The following ABCD3 variants were observed in gnomAD, a reference collection of about 807,000 sequenced individuals.
ABCD3 encodes ATP binding cassette subfamily D member 3, also known as ATP-binding cassette sub-family D member 3.
ABCD3 carries 41 observed loss-of-function variants against 105.5 expected under a neutral mutation model. The ratio of observed to expected loss-of-function variants is 0.39; its 90% CI spans 0.30 to 0.50. The LOEUF (loss-of-function observed/expected upper bound fraction) is 0.50, where lower values mean the gene tolerates loss of function less well. ABCD3 is among the 20% of genes least tolerant of loss of function. The pLI is 0.84. For missense variants in ABCD3, 622 were observed against 806.3 expected (o/e 0.77, Z 2.77); for synonymous variants, 258 against 269.0 (o/e 0.96, Z 0.40).
intron 1 of ABCD3, among the ~76,000 whole-genome samples, chr1:94,422,190 A>AC (rs567526273): frequency 1.4e-4 from 21 of 151,988 alleles, no homozygotes; most frequent in Non-Finnish European, 2.6e-4. Flanking sequence ...GGGGTCCCCA[A>AC]CCCCCGGGCT....
chr1:94,506,734 C>T, intron 21 of ABCD3, 92 bp downstream of exon 21: 1 of 870,128 alleles, frequency 1.1e-6, no homozygotes, highest in Non-Finnish European at 1.9e-6. Flanking sequence ...TTCCAGGTCA[C>T]TAAGTAACAA....
intron 1 of ABCD3, among the ~76,000 whole-genome samples, chr1:94,451,398 T>C (rs1304573307): frequency 6.6e-6 from 1 of 152,242 alleles, no homozygotes; most frequent in Non-Finnish European, 1.5e-5. Flanking sequence ...ACTTTACTTT[T>C]AAGAGCAAAG....
rs4148066 is a variant in ABCD3, at chr1:94,498,583, A to ATT, written c.1387-5_1387-4dup. On this transcript the variant is annotated intron_variant, in intron 16 of 22. Coordinates refer to ENST00000370214, the MANE Select transcript of ABCD3 (RefSeq NM_002858.4). ...TTTGATTTAATTACTTCACAGACTG[A>ATT]TTTTTTTTTTTTTTTCAGGTTCGAT... is the stretch of plus-strand genomic sequence containing the variant. 2.5e-4 allele frequency: 362 copies of ATT among 1,443,380 alleles called. No homozygotes were observed. The highest frequency in any genetic ancestry group is 3.8e-4 in the Middle Eastern group (2 of 5,252). 89.4% of individuals were successfully genotyped at this position (1,443,380 alleles called of 1,614,324 possible). A position where few individuals can be genotyped will look rare whatever the true frequency, so the allele number is the denominator to read the frequency against.
intron 2 of ABCD3, among the ~76,000 whole-genome samples, chr1:94,461,238 G>A (rs904742071): frequency 2.0e-5 from 3 of 151,926 alleles, no homozygotes; most frequent in African/African-American, 4.8e-5. Flanking sequence ...TTACTTTTGA[G>A]GAAAGCAACT....
At chr1:94,398,758 A>G in the ABCD3 span, among the ~76,000 whole-genome samples, 1 of 152,114 alleles carries the variant, frequency 6.6e-6, no homozygotes. Flanking sequence ...CTAAAAATGC[A>G]AAAAAATTAG....
At chr1:94,496,171 C>G (rs770364517) in intron 16 of ABCD3, among the ~76,000 whole-genome samples, 7 of 152,094 alleles carry the variant, frequency 4.6e-5, no homozygotes, top group Non-Finnish European at 1.0e-4. Context: ...GTTATGCAGC[C>G]ACCACCACTA....
At chr1:94,458,081 T>C (rs1288997491) in intron 1 of ABCD3, among the ~76,000 whole-genome samples, 4 of 152,192 alleles carry the variant, frequency 2.6e-5, no homozygotes, top group Non-Finnish European at 5.9e-5. Flanking sequence ...AATATGAACC[T>C]TGGGCATACT....
chr1:94,499,354 G>A (rs1570824040), intron 19 of ABCD3, 141 bp from the exon 20 acceptor site: 2 of 994,932 alleles, frequency 2.0e-6, no homozygotes, highest in South Asian at 1.4e-5. Flanking sequence ...GGGCTACCTT[G>A]TGCCACATTC....
At chr1:94,483,090 A>C in intron 9 of ABCD3, 80 bp from the exon 10 acceptor site, 1 of 910,634 alleles carries the variant, frequency 1.1e-6, no homozygotes, top group Non-Finnish European at 1.8e-6. Flanking sequence ...ACAAACATTC[A>C]GCCATCATAT....
chr1:94,472,243 G>A, intron 4 of ABCD3: 9 of 979,678 alleles, frequency 9.2e-6, no homozygotes, highest in Non-Finnish European at 1.1e-5. Context: ...TACTCCAATG[G>A]TAAACCATTG....
At chr1:94,464,531 A>G (rs959184540) in intron 2 of ABCD3, among the ~76,000 whole-genome samples, 1 of 151,866 alleles carries the variant, frequency 6.6e-6, no homozygotes, top group Non-Finnish European at 1.5e-5. Context: ...TTCTGCTTGC[A>G]GTTTTCTTCA....
chr1:94,491,687 C>G lies in ABCD3; in HGVS notation c.1386+440C>G, dbSNP rs141200083. Among the ~76,000 whole-genome samples, 20 of 152,132 alleles carry G rather than the reference C, an allele frequency of 1.3e-4. 1 individual carries two copies. In the East Asian group the frequency reaches 3.7e-3, roughly 28 times the overall value. On this transcript the variant is annotated intron_variant, in intron 16 of 22. Coordinates refer to ENST00000370214, the MANE Select transcript of ABCD3 (RefSeq NM_002858.4). ...AAACGGGAAGAGCCGCACAGTAGCG[C>G]TACAAATAGACACTCACCTAAAACA...
the ABCD3 span, among the ~76,000 whole-genome samples, chr1:94,390,636 G>A: frequency 6.6e-6 from 1 of 152,120 alleles, no homozygotes; most frequent in Non-Finnish European, 1.5e-5. Flanking sequence ...TAATGGTGCT[G>A]CTAATCTCTG....
chr1:94,395,038 T>C, the ABCD3 span, among the ~76,000 whole-genome samples: 2 of 152,212 alleles, frequency 1.3e-5, no homozygotes, highest in Non-Finnish European at 2.9e-5. Flanking sequence ...TCCAGAGTTA[T>C]GAGACATCCC....
At chr1:94,474,876 G>T (rs1648656842) in intron 5 of ABCD3, among the ~76,000 whole-genome samples, 1 of 151,872 alleles carries the variant, frequency 6.6e-6, no homozygotes, top group South Asian at 2.1e-4. Flanking sequence ...TTGACTTTTT[G>T]CCCGTTTACC....
At chr1:94,387,427 G>A in the ABCD3 span, among the ~76,000 whole-genome samples, 2 of 152,090 alleles carry the variant, frequency 1.3e-5, no homozygotes, top group Non-Finnish European at 2.9e-5. Flanking sequence ...ATGGCACCAG[G>A]CTACTGACAA....
chr1:94,499,438 A>C, intron 19 of ABCD3, 57 bp from the exon 20 acceptor site: 1 of 1,535,980 alleles, frequency 6.5e-7, no homozygotes, highest in Non-Finnish European at 9.0e-7. Context: ...ATAAACCACT[A>C]TTAAGAATGT....
intron 16 of ABCD3, among the ~76,000 whole-genome samples, chr1:94,493,292 A>G (rs1211774128): frequency 6.6e-6 from 1 of 152,034 alleles, no homozygotes; most frequent in African/African-American, 2.4e-5. Flanking sequence ...GGACATGAAC[A>G]GACACTTCTC....
the ABCD3 span, among the ~76,000 whole-genome samples, chr1:94,395,893 C>G: frequency 5.9e-5 from 9 of 151,732 alleles, no homozygotes; most frequent in South Asian, 1.0e-3. Flanking sequence ...AAGAGAGAGA[C>G]ACACACACAC....
Sources: allele counts gnomAD v4.1 joint callset (sites outside exome capture counted in the v4.1 genomes callset), GRCh38; gene constraint gnomAD v4.1.1; transcripts MANE v1.5; gene names NCBI Gene and HGNC (gene_info 2026-07-23, HGNC 2026-07-21).